The following SETBP1 variants were observed in gnomAD, a reference collection of about 807,000 sequenced individuals.
SETBP1 encodes SET-binding protein.
A neutral mutation model predicts 101.0 loss-of-function variants in SETBP1; 9 were observed. The ratio of observed to expected loss-of-function variants is 0.09; its 90% confidence interval spans 0.05 to 0.16. SETBP1 has a LOEUF of 0.16. SETBP1 is among the 10% of genes least tolerant of loss of function. The pLI, the probability that SETBP1 is intolerant of heterozygous loss-of-function variation, is 1.00. For missense variants in SETBP1, 1,858 were observed against 2,033.8 expected (o/e 0.91, Z 1.66); for synonymous variants, 818 against 788.5 (o/e 1.04, Z -0.63).
chr18:44,682,156 C>A (rs192791761), intron 1 of SETBP1, among the ~76,000 whole-genome samples: 4 of 152,316 alleles, frequency 2.6e-5, no homozygotes, highest in Admixed American at 2.6e-4. Flanking sequence ...AAACTATCTG[C>A]CGATTTGGCA....
At chr18:44,721,856 G>C (rs899921042) in intron 2 of SETBP1, among the ~76,000 whole-genome samples, 2 of 152,220 alleles carry the variant, frequency 1.3e-5, no homozygotes, top group African/African-American at 4.8e-5. Flanking sequence ...AATCTTGTTA[G>C]TGTCCATTGT....
At chr18:44,991,777 A>G (rs1008172600) in intron 4 of SETBP1, among the ~76,000 whole-genome samples, 1 of 152,306 alleles carries the variant, frequency 6.6e-6, no homozygotes, top group Non-Finnish European at 1.5e-5. Flanking sequence ...AAGAAAAGCA[A>G]TTTCCAAATC....
intron 4 of SETBP1, among the ~76,000 whole-genome samples, chr18:45,025,467 T>C (rs2073146157): frequency 6.6e-6 from 1 of 152,168 alleles, no homozygotes; most frequent in Non-Finnish European, 1.5e-5. Flanking sequence ...AGATAAAGAT[T>C]AGGAGATCTA....
At chr18:44,907,696 T>C (rs752782288) in intron 3 of SETBP1, among the ~76,000 whole-genome samples, 1 of 152,194 alleles carries the variant, frequency 6.6e-6, no homozygotes, top group Non-Finnish European at 1.5e-5. Flanking sequence ...ATTTTTCAAC[T>C]GGGTTGTCTT....
chr18:44,682,628 C>T (rs1356195086), intron 1 of SETBP1, among the ~76,000 whole-genome samples: 1 of 152,114 alleles, frequency 6.6e-6, no homozygotes. Context: ...TGCCTGTTCC[C>T]AGAAAAGGGT....
At chr18:44,903,809 A>G (rs1201199727) in intron 3 of SETBP1, among the ~76,000 whole-genome samples, 1 of 152,208 alleles carries the variant, frequency 6.6e-6, no homozygotes, top group Non-Finnish European at 1.5e-5. Flanking sequence ...TGCTCAGTAA[A>G]TACCACAGTG....
chr18:44,821,016 C>G (rs971406095), intron 2 of SETBP1, among the ~76,000 whole-genome samples: 2 of 152,140 alleles, frequency 1.3e-5, no homozygotes, highest in Admixed American at 1.3e-4. Context: ...TCTTGCTCCC[C>G]ACAGGATATC....
chr18:44,974,241 T>C (rs2071935236), intron 4 of SETBP1, among the ~76,000 whole-genome samples: 1 of 152,186 alleles, frequency 6.6e-6, no homozygotes. Context: ...TTAAGTGGCA[T>C]TGCTTTAGAA....
chr18:44,701,481 G>A lies in SETBP1; in HGVS notation c.135G>A (p.Gly45=). The A allele has an allele frequency of 6.2e-7, 1 of 1,613,920 alleles. No individual in the cohort carries two copies. Among genetic ancestry groups the A allele is most frequent in the Non-Finnish European group, 8.5e-7 (1 of 1,179,814 alleles). The change falls in exon 2 of 6, where the codon GGG becomes GGA. Residue 45 remains glycine, a synonymous_variant. Transcript: ENST00000649279. ...GEPLLSTPGP[G]KGIPVGGERM... is the part of the protein sequence containing the mutation. ...CTTTGCTCTCCACTCCAGGACCTGG[G>A]AAGGGGATCCCGGTGGGCGGAGAGC...
chr18:45,028,316 C>T (rs2073214157), intron 4 of SETBP1, among the ~76,000 whole-genome samples: 1 of 151,922 alleles, frequency 6.6e-6, no homozygotes, highest in Non-Finnish European at 1.5e-5. Context: ...CAATTTCATC[C>T]ATGGCCCTAC....
At chr18:44,884,981 C>A (rs1487772893) in intron 3 of SETBP1, among the ~76,000 whole-genome samples, 1 of 152,062 alleles carries the variant, frequency 6.6e-6, no homozygotes, top group Admixed American at 6.6e-5. Flanking sequence ...CATCTTAAAT[C>A]CTACCCAGGA....
intron 4 of SETBP1, among the ~76,000 whole-genome samples, chr18:45,003,901 G>A (rs2072670831): frequency 6.6e-6 from 1 of 152,072 alleles, no homozygotes; most frequent in Non-Finnish European, 1.5e-5. Flanking sequence ...ATCCCACTAC[G>A]CCAGTGATTC....
intron 4 of SETBP1, chr18:44,988,385 A>G (rs900999323): frequency 6.6e-6 from 1 of 152,226 alleles, no homozygotes; most frequent in East Asian, 1.9e-4. Context: ...GTTGGGATTA[A>G]AATAATATAA....
At chr18:44,751,002 A>G (rs1303981345) in intron 2 of SETBP1, among the ~76,000 whole-genome samples, 1 of 152,178 alleles carries the variant, frequency 6.6e-6, no homozygotes, top group Non-Finnish European at 1.5e-5. Flanking sequence ...AGTGGGAAGC[A>G]GTATGAGCAA....
chr18:45,037,913 C>G (rs1172381078), intron 4 of SETBP1, among the ~76,000 whole-genome samples: 2 of 152,172 alleles, frequency 1.3e-5, no homozygotes, highest in Non-Finnish European at 2.9e-5. Context: ...TATGCCCTTA[C>G]TGAAAATGCC....
intron 2 of SETBP1, among the ~76,000 whole-genome samples, chr18:44,865,969 A>T (rs2069119448): frequency 6.6e-6 from 1 of 152,222 alleles, no homozygotes; most frequent in African/African-American, 2.4e-5. Context: ...CCCTGACATT[A>T]TATCCCTGTA....
chr18:44,686,825 C>G (rs1465226944), intron 1 of SETBP1, among the ~76,000 whole-genome samples: 1 of 152,150 alleles, frequency 6.6e-6, no homozygotes, highest in Admixed American at 6.5e-5. Flanking sequence ...AAGTTTCTCC[C>G]TTAAAGTTTA....
rs148237278 is a variant in SETBP1, at chr18:45,022,822, T to A, written c.4001-15663T>A. Reference sequence around the variant, plus strand: ...TCCAGCCTGGGCAACAGAGCGAGACTCCATCTCAAAAAATAAAAATAAGAA... The same window carrying A: ...TCCAGCCTGGGCAACAGAGCGAGACACCATCTCAAAAAATAAAAATAAGAA... On this transcript the variant is annotated intron_variant, in intron 4 of 5. Coordinates refer to ENST00000649279, the MANE Select transcript of SETBP1 (RefSeq NM_015559.3). Among the ~76,000 whole-genome samples the A allele has an allele frequency of 3.4e-3, 521 of 152,284 alleles. 2 individuals are homozygous for A. The highest frequency in any genetic ancestry group is 0.012 in the African/African-American group (492 of 41,544).
intron 2 of SETBP1, among the ~76,000 whole-genome samples, chr18:44,805,419 T>G (rs1221597242): frequency 1.3e-5 from 2 of 151,728 alleles, no homozygotes; most frequent in African/African-American, 4.9e-5. Context: ...TGTGTGTGTG[T>G]GTGTGTGTGT....
Sources: allele counts gnomAD v4.1 joint callset (sites outside exome capture counted in the v4.1 genomes callset), GRCh38; gene constraint gnomAD v4.1.1; transcripts MANE v1.5; gene names NCBI Gene and HGNC (gene_info 2026-07-23, HGNC 2026-07-21).